NUP210: variants seen among roughly 807,000 people sequenced by gnomAD.
NUP210 encodes nucleoporin 210.
In NUP210, 151 loss-of-function variants were observed where a neutral mutation model predicts 196.0. The observed-to-expected ratio is 0.77, with a 90% CI of 0.67 to 0.88. NUP210 has a LOEUF of 0.88. Among genes scored for constraint, NUP210 ranks in the 40% least tolerant of loss-of-function variants. NUP210 has a pLI of 0.00. For missense variants in NUP210, 2,314 were observed against 2,493.7 expected (o/e 0.93, Z 1.53); for synonymous variants, 1,070 against 1,052.7 (o/e 1.02, Z -0.32).
chr3:13,387,213 T>C (rs1442266400), intron 5 of NUP210, among the ~76,000 whole-genome samples: 1 of 152,248 alleles, frequency 6.6e-6, no homozygotes, highest in Non-Finnish European at 1.5e-5. Context: ...TTAAGCCTGC[T>C]GTCACAACTG....
intron 20 of NUP210, 55 bp from the exon 21 acceptor site, chr3:13,343,358 G>A (rs1363771941): frequency 1.3e-6 from 2 of 1,578,964 alleles, no homozygotes; most frequent in Non-Finnish European, 1.7e-6. Flanking sequence ...CAGCTGCAGG[G>A]CCCCCCTCTG....
At position 13,317,777 on chromosome 3, in the gene NUP210, G is replaced by C. The variant is rs755352653; in HGVS notation, c.5568C>G (p.Phe1856Leu). 1 of 1,605,718 alleles carries C rather than the reference G, an allele frequency of 6.2e-7. No homozygotes were observed. The change falls in exon 40 of 40, where the codon TTC becomes TTG. Residue 1856 changes from phenylalanine to leucine, a missense_variant. Coordinates refer to ENST00000254508, the MANE Select transcript of NUP210 (RefSeq NM_024923.4). ...RASPGHSPHYFAASSPTSPNA... is the reference protein window; with the variant it reads ...RASPGHSPHYLAASSPTSPNA... ...TGGGAGATGTGGGTGATGAGGCAGCGAAATCTAGGGTGGGAAGAGAGACGA... is the reference window on the plus strand; with the variant it reads ...TGGGAGATGTGGGTGATGAGGCAGCCAAATCTAGGGTGGGAAGAGAGACGA...
chr3:13,407,138 T>C (rs1700029873), intron 1 of NUP210, among the ~76,000 whole-genome samples: 1 of 152,130 alleles, frequency 6.6e-6, no homozygotes, highest in African/African-American at 2.4e-5. Context: ...TGGGATAATA[T>C]ATATCAAGCT....
chr3:13,323,172 A>T lies in NUP210; in HGVS notation c.4768+137T>A. The T allele has an allele frequency of 9.6e-7, 1 of 1,045,142 alleles. No homozygotes were observed. The highest frequency in any genetic ancestry group is 1.4e-6 in the Non-Finnish European group (1 of 718,084). The allele number at this position is 1,045,142 out of a possible 1,614,324, so 64.7% of individuals were successfully genotyped here. ...TCAGAAACGCTGGAAGGAGTGGATG[A>T]GTGGGGGCTAAATGCCCTCTCTGGA... On this transcript the variant is annotated intron_variant, in intron 34 of 39. Transcript: ENST00000254508. This position sits in a 1 kb window ranked among gnomAD's most constrained non-coding sequence, Gnocchi z 4.3.
intron 21 of NUP210, among the ~76,000 whole-genome samples, chr3:13,342,409 G>C (rs1287355336): frequency 2.0e-5 from 3 of 152,180 alleles, no homozygotes; most frequent in Non-Finnish European, 4.4e-5. Context: ...CATCCAGTAG[G>C]AGCTCAATAA....
chr3:13,397,279 T>C, intron 3 of NUP210, 78 bp downstream of exon 3: 1 of 1,520,070 alleles, frequency 6.6e-7, no homozygotes, highest in African/African-American at 1.4e-5. Context: ...GAGTGGGGAA[T>C]GCAGAGAGGC....
intron 1 of NUP210, among the ~76,000 whole-genome samples, chr3:13,404,508 G>A (rs1412945542): frequency 6.6e-6 from 1 of 152,158 alleles, no homozygotes; most frequent in Non-Finnish European, 1.5e-5. Flanking sequence ...ACTTCTAAAT[G>A]AAAATATCTT....
In NUP210 at chr3:13,321,569, T is replaced by A; in HGVS notation, c.5166+16A>T. On this transcript the variant is annotated intron_variant, in intron 36 of 39. Coordinates refer to ENST00000254508, the MANE Select transcript of NUP210 (RefSeq NM_024923.4). ...CCTGACTCCGGCCTGGCCTGAGGCA[T>A]GCAGATGCCACTCACCTCCAAGTTC... 2 of 1,610,596 alleles carry A rather than the reference T, an allele frequency of 1.2e-6. No homozygotes were observed. The highest frequency in any genetic ancestry group is 1.7e-6 in the Non-Finnish European group (2 of 1,176,948).
intron 16 of NUP210, among the ~76,000 whole-genome samples, chr3:13,357,992 C>T (rs868517595): frequency 2.0e-5 from 3 of 152,222 alleles, no homozygotes; most frequent in Admixed American, 6.5e-5. Context: ...CCTGGCACTG[C>T]CACTAGTAGC....
Position 13,353,958 on chromosome 3 carries a change from C to A in NUP210, c.2478G>T (p.Gln826His). The change falls in exon 17 of 40, where the codon CAG becomes CAT. Residue 826 changes from glutamine (Q) to histidine (H), a missense_variant. Gln to His is a conservative substitution (Grantham distance 24). Coordinates refer to ENST00000254508, the MANE Select transcript of NUP210 (RefSeq NM_024923.4). ...CACTCTCATCGTCCTGGGACACCAG[C>A]TGCATGGGCAGCTCAGGCTCGATGC... ...LASIEPELPM[Q>H]LVSQDDESGQ... The A allele has an allele frequency of 6.2e-7, 1 of 1,610,326 alleles. No individual in the cohort carries two copies. The highest frequency in any genetic ancestry group is 8.5e-7 in the Non-Finnish European group (1 of 1,178,278).
rs750772029 is a variant in NUP210 at position 13,325,787 on chromosome 3, G to A, written c.4644+8C>T. On this transcript the variant is annotated splice_region_variant and intron_variant, in intron 33 of 39. Transcript: ENST00000254508. ...AGCCACATGTGCCTCCGGCTGCTTA[G>A]AGCCCACCTCCTTGTAGGTCCTCAG... 11 of 1,613,286 alleles carry A rather than the reference G, an allele frequency of 6.8e-6. No individual in the cohort carries two copies. In the South Asian group the frequency reaches 1.1e-4, roughly 16 times the overall value.
At chr3:13,368,729 G>A (rs1295374480) in intron 13 of NUP210, among the ~76,000 whole-genome samples, 1 of 152,180 alleles carries the variant, frequency 6.6e-6, no homozygotes, top group Non-Finnish European at 1.5e-5. Flanking sequence ...ATGTCTTCAA[G>A]GTTCTTCCAT....
In NUP210 at chr3:13,330,559, TTTC is replaced by T. The variant is rs755253769; in HGVS notation, c.4008_4010del (p.Lys1337del). 6.2e-7 allele frequency: 1 copy of T among 1,614,102 alleles called. No homozygotes were observed. The highest frequency in any genetic ancestry group is 1.3e-5 in the African/African-American group (1 of 74,934). ...TCATAGACCCTGATGCTAGAAAGCC[TTTC>T]TCATCAACATGCACAACTGGAACCT... On this transcript the variant is annotated inframe_deletion, in exon 30 of 40. Coordinates refer to ENST00000254508, the MANE Select transcript of NUP210 (RefSeq NM_024923.4).
At chr3:13,367,921 C>T (rs560446333) in intron 13 of NUP210, among the ~76,000 whole-genome samples, 77 of 152,196 alleles carry the variant, frequency 5.1e-4, no homozygotes, top group African/African-American at 1.8e-3. Flanking sequence ...CTGTTGCGTG[C>T]GTCCCTAAGA....
At chr3:13,413,877 T>TA (rs574616408) in intron 1 of NUP210, among the ~76,000 whole-genome samples, 1 of 152,146 alleles carries the variant, frequency 6.6e-6, no homozygotes, top group African/African-American at 2.4e-5. Flanking sequence ...CAATTTAAAA[T>TA]AAAAAAATAT....
In NUP210 at chr3:13,337,923, G is replaced by A. The variant is rs561710603; in HGVS notation, c.3472-6C>T. 1.1e-4 allele frequency: 178 copies of A among 1,611,960 alleles called. 1 individual carries two copies. The East Asian group carries it at 3.9e-3, about 35-fold the overall frequency. On this transcript the variant is annotated splice_region_variant and splice_polypyrimidine_tract_variant and intron_variant, in intron 25 of 39. Coordinates refer to ENST00000254508, the MANE Select transcript of NUP210 (RefSeq NM_024923.4). ...ACCTCCACCTGCACGAGGTCCTGGG[G>A]AAACAGGGTGGCACTTAGGTGTGGG...
At chr3:13,343,339 T>TGGGGGGGGGGGGGGGGGGGGG in intron 20 of NUP210, 36 bp from the exon 21 acceptor site, 1 of 282,522 alleles carries the variant, frequency 3.5e-6, no homozygotes. Flanking sequence ...GGGTGGGTGG[T>TGGGGGGGGGGGGGGGGGGGGG]GGGTTACGCA....
intron 16 of NUP210, among the ~76,000 whole-genome samples, chr3:13,357,639 G>T (rs950338047): frequency 6.6e-6 from 1 of 152,300 alleles, no homozygotes; most frequent in South Asian, 2.1e-4. Context: ...CTTGGGCTCT[G>T]AATGCCCTAG....
At chr3:13,412,236 T>C (rs988939161) in intron 1 of NUP210, among the ~76,000 whole-genome samples, 4 of 129,334 alleles carry the variant, frequency 3.1e-5, no homozygotes, top group East Asian at 2.0e-4. Context: ...CTTTTCTTTT[T>C]TTTTTTTTTT....
Sources: allele counts gnomAD v4.1 joint callset (sites outside exome capture counted in the v4.1 genomes callset), GRCh38; gene constraint gnomAD v4.1.1; non-coding constraint Gnocchi (gnomAD v3.1); transcripts MANE v1.5; gene names NCBI Gene and HGNC (gene_info 2026-07-23, HGNC 2026-07-21).